Variants in SLC1A5 observed in about 807,000 individuals in gnomAD.
SLC1A5 encodes the protein neutral amino acid transporter B(0).
In SLC1A5, 25 loss-of-function variants were observed where a neutral mutation model predicts 34.9. That is an observed-to-expected ratio of 0.72 (90% CI 0.52 to 1.00). The LOEUF is 1.00. Among genes scored for constraint, SLC1A5 ranks in the 50% least tolerant of loss-of-function variants. The probability of loss-of-function intolerance (pLI) is 0.00; values close to 1 mark genes in which losing one functional copy is unlikely to be tolerated. For synonymous variants in SLC1A5, 351 were observed against 341.2 expected (o/e 1.03, Z -0.32); for missense variants, 637 against 740.0 (o/e 0.86, Z 1.61).
intron 3 of SLC1A5, among the ~76,000 whole-genome samples, chr19:46,782,915 A>C (rs888666400): frequency 2.0e-5 from 3 of 152,222 alleles, no homozygotes; most frequent in Admixed American, 2.0e-4. Flanking sequence ...GAGAGGAAGC[A>C]GAATGTGCAA....
intron 7 of SLC1A5, among the ~76,000 whole-genome samples, chr19:46,775,958 A>G (rs538471619): frequency 3.3e-5 from 5 of 151,812 alleles, no homozygotes; most frequent in African/African-American, 1.2e-4. Context: ...GTGCACACCT[A>G]TAGTCCCAGC....
Position 46,787,534 on chromosome 19 carries a change from C to A in SLC1A5, c.432G>T (p.Ala144=). The change falls in exon 1 of 8, where the codon GCG becomes GCT. Residue 144 remains alanine, a synonymous_variant. Transcript: ENST00000542575. This position sits in a 1 kb window ranked among gnomAD's most constrained non-coding sequence, Gnocchi z 5.2. ...GAGCCAGCGCCAAGCCCACTCCGAG[C>A]GCCGACGCCAGCAGCGTGGTGACCA... The part of the protein sequence containing the change: ...FFLVTTLLAS[A]LGVGLALALQ... The A allele has an allele frequency of 6.4e-7, 1 of 1,574,424 alleles. No homozygotes were observed. Among genetic ancestry groups the A allele is most frequent in the Non-Finnish European group, 8.6e-7 (1 of 1,161,102 alleles).
rs772598771 is a variant in SLC1A5, at chr19:46,778,759, T to C, written c.974A>G (p.Tyr325Cys). 6 of 1,613,574 alleles carry C rather than the reference T, an allele frequency of 3.7e-6. No homozygotes were observed. Among genetic ancestry groups the C allele is most frequent in the Admixed American group, 1.7e-5 (1 of 59,964 alleles). Residue 325 changes from tyrosine to cysteine, a missense_variant, in exon 5 of 8, where the codon TAC becomes TGC. Tyr to Cys is a radical substitution (Grantham distance 194). Coordinates refer to ENST00000542575, the MANE Select transcript of SLC1A5 (RefSeq NM_005628.3). ...GGGGTTTTTGCGGGTGAAGAGGAAG[T>C]AGATGAGGGGCAGTACCAGGAGCCC... ...IHGLLVLPLI[Y>C]FLFTRKNPYR...
chr19:46,787,617 C>A lies in SLC1A5; in HGVS notation c.349G>T (p.Ala117Ser). 1 of 1,563,302 alleles carries A rather than the reference C, an allele frequency of 6.4e-7. No homozygotes were observed. The change falls in exon 1 of 8, where the codon GCC (alanine) becomes TCC (serine). Residue 117 changes from alanine (A) to serine (S), a missense_variant. By Grantham distance (99) the Ala-to-Ser change is moderately conservative. Coordinates refer to ENST00000542575, the MANE Select transcript of SLC1A5 (RefSeq NM_005628.3). The surrounding 1 kb of genome is among the most constrained non-coding windows in gnomAD (Gnocchi z 5.2). ...CCGAGCGCGCCGGGGTCCAGGCTGG[C>A]GGCGCCGCCGATCAAGCTGCACACC... is the stretch of plus-strand genomic sequence containing the variant. ...LVVCSLIGGA[A>S]SLDPGALGRL... is the part of the protein sequence containing the mutation.
intron 4 of SLC1A5, 40 bp from the exon 5 acceptor site, chr19:46,778,948 C>A: frequency 2.7e-6 from 4 of 1,460,698 alleles, no homozygotes; most frequent in Non-Finnish European, 3.7e-6. Flanking sequence ...GCCTCTTCCA[C>A]GGGCCCAGTG....
intron 3 of SLC1A5, among the ~76,000 whole-genome samples, chr19:46,782,873 C>T (rs1414990880): frequency 6.6e-6 from 1 of 151,944 alleles, no homozygotes; most frequent in Non-Finnish European, 1.5e-5. Flanking sequence ...GAGGAGTGAA[C>T]CAGGTAAAGA....
At position 46,782,475 on chromosome 19, in the gene SLC1A5, C is replaced by A. The variant is rs139034381; in HGVS notation, c.732G>T (p.Ala244=). The A allele has an allele frequency of 5.0e-6, 8 of 1,613,888 alleles. No homozygotes were observed. Among genetic ancestry groups the A allele is most frequent in the Non-Finnish European group, 5.1e-6 (6 of 1,180,028 alleles). Residue 244 remains alanine, a synonymous_variant, in exon 4 of 8, where the codon GCG becomes GCT. Coordinates refer to ENST00000542575, the MANE Select transcript of SLC1A5 (RefSeq NM_005628.3). ...CCCCTTCAGGCCCCAGCTTCCGCAG[C>A]GCCACACCAAAGACGATGGCAAACA... ...LVVFAIVFGV[A]LRKLGPEGEL... is the part of the protein sequence containing the mutation.
chr19:46,780,000 G>A (rs933637560), intron 4 of SLC1A5, among the ~76,000 whole-genome samples: 5 of 151,930 alleles, frequency 3.3e-5, no homozygotes, highest in Non-Finnish European at 7.4e-5. Flanking sequence ...CTATAGGCGC[G>A]TGCTACCACG....
Position 46,775,333 on chromosome 19 carries a change from A to C in SLC1A5, c.*177T>G, listed in dbSNP as rs932806897. 4.2e-6 allele frequency: 6 copies of C among 1,445,390 alleles called. No homozygotes were observed. The African/African-American group carries it at 8.5e-5, about 21-fold the overall frequency. 89.5% of individuals were successfully genotyped at this position (1,445,390 alleles called of 1,614,324 possible). On this transcript the variant is annotated 3_prime_UTR_variant, in exon 8 of 8. Coordinates refer to ENST00000542575, the MANE Select transcript of SLC1A5 (RefSeq NM_005628.3). ...GTTTTGAGGAGTAACCCTTGTGAAC[A>C]CATGTACTCCAGCAGCCAGGCATCC... is the stretch of plus-strand genomic sequence containing the variant.
chr19:46,778,706 G>C lies in SLC1A5; in HGVS notation c.1027C>G (p.Pro343Ala). The change falls in exon 5 of 8, where the codon CCG (proline) becomes GCG (alanine). Residue 343 changes from proline to alanine, a missense_variant. Transcript: ENST00000542575. ...GAGGTCCCAAAGGCAGTGGCCAGCG[G>C]CGTCACGATGCCCCACAGGAAGCGG... ...PYRFLWGIVT[P>A]LATAFGTSSS... is the part of the protein sequence containing the mutation. 6.2e-7 allele frequency: 1 copy of C among 1,613,806 alleles called. No homozygotes were observed.
chr19:46,779,530 G>A (rs935664503), intron 4 of SLC1A5, among the ~76,000 whole-genome samples: 10 of 151,994 alleles, frequency 6.6e-5, no homozygotes, highest in East Asian at 3.9e-4. Flanking sequence ...ATCAAGGTGC[G>A]CCATTCACAC....
Position 46,775,357 on chromosome 19 carries a change from C to G in SLC1A5, c.*153G>C. 1 of 1,484,378 alleles carries G rather than the reference C, an allele frequency of 6.7e-7. No homozygotes were observed. Among genetic ancestry groups the G allele is most frequent in the Non-Finnish European group, 8.9e-7 (1 of 1,119,962 alleles). The allele number at this position is 1,484,378 out of a possible 1,614,324, so 92.0% of individuals were successfully genotyped here. ...CACATGTACTCCAGCAGCCAGGCAT[C>G]CCAGATCTCCTGTCCTGGAGGGTGC... is the stretch of plus-strand genomic sequence containing the variant. On this transcript the variant is annotated 3_prime_UTR_variant, in exon 8 of 8. Coordinates refer to ENST00000542575, the MANE Select transcript of SLC1A5 (RefSeq NM_005628.3).
In SLC1A5 at chr19:46,775,181, G is replaced by A; in HGVS notation, c.*329C>T. On this transcript the variant is annotated 3_prime_UTR_variant, in exon 8 of 8. Coordinates refer to ENST00000542575, the MANE Select transcript of SLC1A5 (RefSeq NM_005628.3). ...CCCAGTGGGGGCTAGAATTCCCCATGGTGACCTGTGACCTGCTCCCTGAGA... is the reference window on the plus strand; with the variant it reads ...CCCAGTGGGGGCTAGAATTCCCCATAGTGACCTGTGACCTGCTCCCTGAGA... The A allele has an allele frequency of 9.3e-7, 1 of 1,069,536 alleles. No homozygotes were observed. Among genetic ancestry groups the A allele is most frequent in the Non-Finnish European group, 1.1e-6 (1 of 882,104 alleles). The allele number at this position is 1,069,536 out of a possible 1,614,324, so 66.3% of individuals were successfully genotyped here.
rs192206274 is a variant in SLC1A5 at position 46,777,417 on chromosome 19, G to T, written c.1059-12C>A. 1.9e-6 allele frequency: 3 copies of T among 1,598,900 alleles called. No individual in the cohort carries two copies. Among genetic ancestry groups the T allele is most frequent in the South Asian group, 1.1e-5 (1 of 88,742 alleles). Reference sequence around the variant, plus strand: ...GCAGCGTGGCGGAACTGCAAGGGATGGGGGAGCTGAGTTAGGTTAACCTGC... The same window carrying T: ...GCAGCGTGGCGGAACTGCAAGGGATTGGGGAGCTGAGTTAGGTTAACCTGC... On this transcript the variant is annotated splice_polypyrimidine_tract_variant and intron_variant, in intron 5 of 7. Coordinates refer to ENST00000542575, the MANE Select transcript of SLC1A5 (RefSeq NM_005628.3).
At chr19:46,782,314 G>A (rs554639264) in intron 4 of SLC1A5, 69 bp downstream of exon 4, 10 of 1,424,026 alleles carry the variant, frequency 7.0e-6, no homozygotes, top group East Asian at 4.7e-5. Flanking sequence ...AGAATGCCCC[G>A]CACCTGCCTC....
Position 46,775,363 on chromosome 19 carries a change from TCTC to T in SLC1A5, c.*144_*146del, listed in dbSNP as rs1448645914. The T allele has an allele frequency of 6.7e-7, 1 of 1,487,072 alleles. No homozygotes were observed. The highest frequency in any genetic ancestry group is 2.3e-5 in the East Asian group (1 of 43,112). The allele number at this position is 1,487,072 out of a possible 1,614,324, so 92.1% of individuals were successfully genotyped here. ...TACTCCAGCAGCCAGGCATCCCAGA[TCTC>T]CTGTCCTGGAGGGTGCTGGGGCCCC... On this transcript the variant is annotated 3_prime_UTR_variant, in exon 8 of 8. Transcript: ENST00000542575.
chr19:46,776,220 A>T (rs1416642932), intron 7 of SLC1A5, among the ~76,000 whole-genome samples: 105 of 76,126 alleles, frequency 1.4e-3, no homozygotes, highest in African/African-American at 4.7e-3. Context: ...TTTTTTTTTG[A>T]GACAGGATCT....
chr19:46,783,113 C>G (rs1007421114), intron 3 of SLC1A5, among the ~76,000 whole-genome samples: 2 of 152,290 alleles, frequency 1.3e-5, no homozygotes, highest in South Asian at 2.1e-4. Flanking sequence ...CCTGAAGGCA[C>G]TGAGGCACAT....
chr19:46,779,988 G>A (rs1170397451), intron 4 of SLC1A5, among the ~76,000 whole-genome samples: 1 of 151,852 alleles, frequency 6.6e-6, no homozygotes, highest in Non-Finnish European at 1.5e-5. Flanking sequence ...AAGTAGCTGG[G>A]ACTATAGGCG....
Sources: gnomAD v4.1 joint callset for allele counts (sites outside exome capture counted in the v4.1 genomes callset) on GRCh38, gnomAD v4.1.1 for gene constraint, Gnocchi (gnomAD v3.1) non-coding constraint, MANE v1.5 for transcripts, NCBI Gene and HGNC (gene_info 2026-07-23, HGNC 2026-07-21) for gene names.